Variants in KCNK13 observed in about 807,000 individuals in gnomAD.
KCNK13 encodes the protein potassium channel subfamily K member 13.
A neutral mutation model predicts 23.4 loss-of-function variants in KCNK13; 12 were observed. The observed-to-expected ratio is 0.51, with a 90% CI of 0.33 to 0.83. KCNK13 has a LOEUF of 0.83. Among genes scored for constraint, KCNK13 ranks in the 40% least tolerant of loss-of-function variants. KCNK13 has a pLI of 0.02. For missense variants in KCNK13, 463 were observed against 556.3 expected (o/e 0.83, Z 1.69); for synonymous variants, 231 against 229.5 (o/e 1.01, Z -0.06).
chr14:90,177,565 T>G (rs1890437623), intron 1 of KCNK13, among the ~76,000 whole-genome samples: 2 of 152,176 alleles, frequency 1.3e-5, no homozygotes, highest in Admixed American at 1.3e-4. Flanking sequence ...TGCATGTAAC[T>G]TGGGCTGGTC....
chr14:90,134,348 T>C (rs3861660), intron 1 of KCNK13, among the ~76,000 whole-genome samples: 147,338 of 152,312 alleles, frequency 0.97, 71,452 homozygotes, highest in East Asian at 1. Flanking sequence ...AACACTATTT[T>C]CTTGTACGCA....
At chr14:90,113,153 C>T (rs766886488) in intron 1 of KCNK13, among the ~76,000 whole-genome samples, 13 of 152,032 alleles carry the variant, frequency 8.6e-5, no homozygotes, top group Admixed American at 3.9e-4. Context: ...CTCCTGAGCT[C>T]AAGCAATCTT....
At chr14:90,077,431 A>AT (rs1889153539) in intron 1 of KCNK13, among the ~76,000 whole-genome samples, 1 of 151,962 alleles carries the variant, frequency 6.6e-6, no homozygotes, top group Non-Finnish European at 1.5e-5. Flanking sequence ...AATCCTGGGA[A>AT]TTTTTCTTCA....
In KCNK13 at chr14:90,184,984, A is replaced by G; in HGVS notation, c.1208A>G (p.Glu403Gly). 2 of 1,596,234 alleles carry G rather than the reference A, an allele frequency of 1.3e-6. No individual in the cohort carries two copies. The highest frequency in any genetic ancestry group is 1.7e-6 in the Non-Finnish European group (2 of 1,170,294). The change falls in exon 2 of 2, where the codon GAG becomes GGG. Residue 403 changes from glutamate to glycine, a missense_variant. Physicochemically the swap from Glu to Gly is moderately conservative, Grantham distance 98 (BLOSUM62 -2). Around this residue, in one of 3 missense-constraint regions of KCNK13, gnomAD observed 166 missense variants for 178.8 expected, o/e 0.93. Coordinates refer to ENST00000282146, the MANE Select transcript of KCNK13 (RefSeq NM_022054.4). This position sits in a 1 kb window ranked among gnomAD's most constrained non-coding sequence, Gnocchi z 5.6. ...AFAIMNNRLA[E>G]TSGDR Reference sequence around the variant, plus strand: ...GCAATCATGAACAACAGGTTGGCAGAGACCAGTGGGGACAGGTAGAAGCCA... The same window carrying G: ...GCAATCATGAACAACAGGTTGGCAGGGACCAGTGGGGACAGGTAGAAGCCA...
intron 1 of KCNK13, among the ~76,000 whole-genome samples, chr14:90,092,129 A>T (rs147755567): frequency 1.8e-4 from 27 of 152,154 alleles, no homozygotes; most frequent in Admixed American, 7.8e-4. Context: ...TCACCATGTT[A>T]GCCAGGATGG....
At chr14:90,115,834 C>T (rs1889670740) in intron 1 of KCNK13, among the ~76,000 whole-genome samples, 1 of 152,202 alleles carries the variant, frequency 6.6e-6, no homozygotes, top group African/African-American at 2.4e-5. Context: ...GGGTGGTGCC[C>T]AGGCATTGGT....
chr14:90,088,486 C>T (rs527479650), intron 1 of KCNK13, among the ~76,000 whole-genome samples: 6 of 152,282 alleles, frequency 3.9e-5, no homozygotes, highest in South Asian at 2.1e-4. Flanking sequence ...AGCTCTCAGG[C>T]GCCTTTCCCA....
intron 1 of KCNK13, among the ~76,000 whole-genome samples, chr14:90,099,780 C>G (rs1057292397): frequency 1.3e-5 from 2 of 152,188 alleles, no homozygotes; most frequent in Non-Finnish European, 2.9e-5. Context: ...GAATTCTTCA[C>G]GAGGATCTGG....
intron 1 of KCNK13, among the ~76,000 whole-genome samples, chr14:90,097,206 T>C (rs1372047488): frequency 6.6e-6 from 1 of 152,166 alleles, no homozygotes; most frequent in African/African-American, 2.4e-5. Context: ...ACTGGGTAAT[T>C]TATAAAGAAA....
intron 1 of KCNK13, among the ~76,000 whole-genome samples, chr14:90,177,982 A>T (rs1383155151): frequency 2.0e-5 from 3 of 152,208 alleles, no homozygotes; most frequent in Non-Finnish European, 4.4e-5. Context: ...CCCATATGTC[A>T]GGCGTGACTC....
intron 1 of KCNK13, among the ~76,000 whole-genome samples, chr14:90,174,907 G>A (rs1322815232): frequency 1.3e-5 from 2 of 151,794 alleles, no homozygotes; most frequent in Non-Finnish European, 2.9e-5. Context: ...AAAATTTAGG[G>A]TCAGCAGAGA....
intron 1 of KCNK13, among the ~76,000 whole-genome samples, chr14:90,143,575 T>G (rs1287871580): frequency 6.6e-6 from 1 of 152,194 alleles, no homozygotes; most frequent in East Asian, 1.9e-4. Flanking sequence ...AGCTGTATAA[T>G]AAGTCTTGAA....
chr14:90,165,242 C>T (rs11844159), intron 1 of KCNK13, among the ~76,000 whole-genome samples: 32,808 of 152,052 alleles, frequency 0.22, 3,670 homozygotes, highest in African/African-American at 0.29. Flanking sequence ...GGCGGGGACA[C>T]GGCCAAACCA....
intron 1 of KCNK13, chr14:90,107,792 C>T: frequency 2.3e-6 from 2 of 853,396 alleles, no homozygotes; most frequent in Non-Finnish European, 2.0e-6. Context: ...GCCCATCAAA[C>T]AAGGGCTTCT....
At chr14:90,156,186 C>T (rs1202852569) in intron 1 of KCNK13, among the ~76,000 whole-genome samples, 2 of 123,648 alleles carry the variant, frequency 1.6e-5, no homozygotes, top group African/African-American at 6.3e-5. Flanking sequence ...GCCTAGGTGA[C>T]AGAGTGAGAG....
intron 1 of KCNK13, among the ~76,000 whole-genome samples, chr14:90,096,266 ACT>A (rs760657192): frequency 6.6e-6 from 1 of 151,976 alleles, no homozygotes; most frequent in Non-Finnish European, 1.5e-5. Context: ...TTAAGTCCCA[ACT>A]CTCTAATCAT....
intron 1 of KCNK13, among the ~76,000 whole-genome samples, chr14:90,080,932 C>T (rs887727930): frequency 6.6e-6 from 1 of 152,214 alleles, no homozygotes; most frequent in African/African-American, 2.4e-5. Flanking sequence ...TTGGCACCAC[C>T]CCTGACAGTG....
chr14:90,177,849 C>T (rs1200457914), intron 1 of KCNK13, among the ~76,000 whole-genome samples: 1 of 152,124 alleles, frequency 6.6e-6, no homozygotes, highest in African/African-American at 2.4e-5. Flanking sequence ...ATGTTTAAGC[C>T]ACCTCTATTT....
chr14:90,117,482 C>T (rs765162253), intron 1 of KCNK13, among the ~76,000 whole-genome samples: 2 of 151,810 alleles, frequency 1.3e-5, no homozygotes, highest in African/African-American at 2.4e-5. Flanking sequence ...CCCAGCTACT[C>T]GGGAGACCGA....
Sources: gnomAD v4.1 joint callset for allele counts (sites outside exome capture counted in the v4.1 genomes callset) on GRCh38, gnomAD v4.1.1 for gene constraint, gnomAD v4.1.1 regional missense constraint, Gnocchi (gnomAD v3.1) non-coding constraint, MANE v1.5 for transcripts, NCBI Gene and HGNC (gene_info 2026-07-23, HGNC 2026-07-21) for gene names.